Variants in ARHGEF10L observed in about 807,000 individuals in gnomAD.
ARHGEF10L encodes the protein Rho guanine nucleotide exchange factor 10 like, also known as rho guanine nucleotide exchange factor 10-like protein.
ARHGEF10L carries 69 observed loss-of-function variants against 141.2 expected under a neutral mutation model. The observed-to-expected ratio is 0.49, with a 90% CI of 0.40 to 0.60. ARHGEF10L has a LOEUF of 0.60. Among genes scored for constraint, ARHGEF10L ranks in the 20% least tolerant of loss-of-function variants. The pLI, the probability that ARHGEF10L is intolerant of heterozygous loss-of-function variation, is 0.00. For missense variants in ARHGEF10L, 1,482 were observed against 1,734.3 expected, an observed-to-expected ratio of 0.85 and a Z score of 2.58; for synonymous variants, 711 against 718.5, an observed-to-expected ratio of 0.99 and a Z score of 0.17.
At chr1:17,521,160 C>T in the ARHGEF10L span, among the ~76,000 whole-genome samples, 1 of 152,194 alleles carries the variant, frequency 6.6e-6, no homozygotes, top group Non-Finnish European at 1.5e-5. Flanking sequence ...CACAGCTTGA[C>T]TATCTCCGGG....
At position 17,693,213 on chromosome 1, in the gene ARHGEF10L, C is replaced by T. The variant is rs577182575; in HGVS notation, c.3185-1945C>T. ...AGCTATATTTCCAGTGCTCGGAAGC[C>T]ACATGTGGCTGATGGCTGTCAAATT... On this transcript the variant is annotated intron_variant, in intron 27 of 28. Transcript: ENST00000361221. Among the ~76,000 whole-genome samples, 4 of 152,294 alleles carry T rather than the reference C, an allele frequency of 2.6e-5. No individual in the cohort carries two copies. In the South Asian group the frequency reaches 8.3e-4, roughly 32 times the overall value.
chr1:17,592,495 G>C (rs926412924), intron 4 of ARHGEF10L, among the ~76,000 whole-genome samples: 16 of 152,284 alleles, frequency 1.1e-4, no homozygotes, highest in African/African-American at 3.6e-4. Flanking sequence ...GGAGAGGACA[G>C]GGAGACTCAT....
At chr1:17,602,697 G>A (rs552559061) in intron 5 of ARHGEF10L, among the ~76,000 whole-genome samples, 38 of 152,294 alleles carry the variant, frequency 2.5e-4, no homozygotes, top group African/African-American at 7.7e-4. Context: ...GTGGGGGAGC[G>A]TTATGGGGTG....
chr1:17,616,327 G>A lies in ARHGEF10L; in HGVS notation c.835+125G>A, dbSNP rs1444975143. ...GTACCACTTGGCGTATGGTTCCTCTGGTGGTGGGGGTTGGGGGCTGAGTCC... is the reference window on the plus strand; with the variant it reads ...GTACCACTTGGCGTATGGTTCCTCTAGTGGTGGGGGTTGGGGGCTGAGTCC... On this transcript the variant is annotated intron_variant, in intron 9 of 28. Transcript: ENST00000361221. 2.6e-5 allele frequency: 20 copies of A among 782,240 alleles called. No homozygotes were observed. In the South Asian group the frequency reaches 3.2e-4, roughly 13 times the overall value. 48.5% of individuals were successfully genotyped at this position (782,240 alleles called of 1,614,324 possible).
At position 17,605,993 on chromosome 1, in the gene ARHGEF10L, C is replaced by T. The variant is rs528125184; in HGVS notation, c.434-1809C>T. Among the ~76,000 whole-genome samples, 27 of 152,296 alleles carry T rather than the reference C, an allele frequency of 1.8e-4. No individual in the cohort carries two copies. The South Asian group carries it at 4.8e-3, about 27-fold the overall frequency. ...TAAGCTTTGGCACATCTGTTTTGTT[C>T]TTTGGCTGACACTCTTGCCCCCAAC... On this transcript the variant is annotated intron_variant, in intron 6 of 28. Coordinates refer to ENST00000361221, the MANE Select transcript of ARHGEF10L (RefSeq NM_018125.4).
chr1:17,654,708 C>T lies in ARHGEF10L; in HGVS notation c.2467C>T (p.Gln823Ter), dbSNP rs1422552240. Residue 823 changes from glutamine to a stop codon, truncating the protein, a stop_gained, in exon 23 of 29, where the codon CAG becomes TAG. Coordinates refer to ENST00000361221, the MANE Select transcript of ARHGEF10L (RefSeq NM_018125.4). LOFTEE classifies it high-confidence loss of function. This position sits in a 1 kb window ranked among gnomAD's most constrained non-coding sequence, Gnocchi z 4.3. ...CTCAGCAGTCAGCACCTCCCTTCCA[C>T]AGGGCTACCTCTGGGTGAGTCACCC... ...GFSAVSTSLPQGYLWVGGGQE... is the reference protein window; with the variant it reads ...GFSAVSTSLP The T allele has an allele frequency of 6.2e-7, 1 of 1,614,100 alleles. No homozygotes were observed. The highest frequency in any genetic ancestry group is 8.5e-7 in the Non-Finnish European group (1 of 1,179,978).
intron 4 of ARHGEF10L, among the ~76,000 whole-genome samples, chr1:17,592,808 G>A (rs985033320): frequency 5.9e-5 from 9 of 152,212 alleles, no homozygotes; most frequent in African/African-American, 1.9e-4. Context: ...AGCCTCCTGC[G>A]TCCTGTCCCG....
intron 27 of ARHGEF10L, chr1:17,694,835 G>A (rs893319598): frequency 7.8e-5 from 38 of 486,754 alleles, no homozygotes; most frequent in Middle Eastern, 6.2e-4. Context: ...CCTTTGTGCC[G>A]GATGACCTGG....
intron 7 of ARHGEF10L, among the ~76,000 whole-genome samples, chr1:17,610,374 C>G (rs2059485798): frequency 6.6e-6 from 1 of 152,228 alleles, no homozygotes; most frequent in East Asian, 1.9e-4. Flanking sequence ...GTCCCTCACA[C>G]TCTCAGGCTG....
intron 1 of ARHGEF10L, among the ~76,000 whole-genome samples, chr1:17,550,578 G>GGTTGCAGTGAGCTGAGACTGTGCC (rs1553169823): frequency 2.6e-5 from 4 of 152,072 alleles, no homozygotes; most frequent in African/African-American, 9.6e-5. Flanking sequence ...GGAGGGTGGA[G>GGTTGCAGTGAGCTGAGACTGTGCC]GTTGCAGTGA....
chr1:17,583,124 G>A (rs889562786), intron 2 of ARHGEF10L, among the ~76,000 whole-genome samples: 1 of 149,496 alleles, frequency 6.7e-6, no homozygotes, highest in Non-Finnish European at 1.5e-5. Context: ...AGGATCACTT[G>A]AGCCCAGGAG....
At position 17,639,671 on chromosome 1, in the gene ARHGEF10L, C is replaced by T. The variant is rs2061221932; in HGVS notation, c.2172-531C>T. 4.7e-6 allele frequency: 2 copies of T among 428,384 alleles called. No homozygotes were observed. Among genetic ancestry groups the T allele is most frequent in the East Asian group, 7.0e-5 (1 of 14,196 alleles). 26.5% of individuals were successfully genotyped at this position (428,384 alleles called of 1,614,324 possible). The stretch of plus-strand genomic sequence containing the variant: ...CCACTGCTCTGAGGTGAGAGGACAG[C>T]GTGGTGACAACAGCAACCTCTGGTT... On this transcript the variant is annotated intron_variant, in intron 20 of 28. Coordinates refer to ENST00000361221, the MANE Select transcript of ARHGEF10L (RefSeq NM_018125.4). The surrounding 1 kb of genome is among the most constrained non-coding windows in gnomAD (Gnocchi z 4.3).
intron 2 of ARHGEF10L, among the ~76,000 whole-genome samples, chr1:17,583,202 T>TAAAAAAA: frequency 8.9e-6 from 1 of 111,784 alleles, no homozygotes; most frequent in Non-Finnish European, 1.8e-5. Context: ...GAGCTTCATT[T>TAAAAAAA]AAAAAAAAAA....
intron 1 of ARHGEF10L, among the ~76,000 whole-genome samples, chr1:17,552,572 T>G (rs1032418768): frequency 6.3e-5 from 1 of 15,912 alleles, no homozygotes; most frequent in Non-Finnish European, 1.4e-4. Context: ...CTAATTTTCG[T>G]TTTTTTTTTT....
Position 17,598,730 on chromosome 1 carries a change from C to T in ARHGEF10L, c.258-3397C>T, listed in dbSNP as rs1216444825. Among the ~76,000 whole-genome samples the T allele has an allele frequency of 2.0e-5, 3 of 151,134 alleles. No homozygotes were observed. The East Asian group carries it at 5.8e-4, about 29-fold the overall frequency. ...ATACCATAGCAGATGGAGACTTGAA[C>T]TTGAGCCTCTGAGTGTGCCGAGGGC... On this transcript the variant is annotated intron_variant, in intron 4 of 28. Coordinates refer to ENST00000361221, the MANE Select transcript of ARHGEF10L (RefSeq NM_018125.4).
At position 17,656,585 on chromosome 1, in the gene ARHGEF10L, A is replaced by AC; in HGVS notation, c.2740dup (p.Gln914ProfsTer129). 1 of 1,613,072 alleles carries AC rather than the reference A, an allele frequency of 6.2e-7. No individual in the cohort carries two copies. The highest frequency in any genetic ancestry group is 1.1e-5 in the South Asian group (1 of 90,938). On this transcript the variant is annotated frameshift_variant, in exon 25 of 29. Transcript: ENST00000361221. LOFTEE classifies it high-confidence loss of function. This position sits in a 1 kb window ranked among gnomAD's most constrained non-coding sequence, Gnocchi z 4.9. ...CCTCTACAGCAGTGTGGACACTGGCACCCAGTGCCTGGTGAGCTGCAGGAG... is the reference window on the plus strand; with the variant it reads ...CCTCTACAGCAGTGTGGACACTGGCACCCCAGTGCCTGGTGAGCTGCAGGAG...
Position 17,656,111 on chromosome 1 carries a change from C to T in ARHGEF10L, c.2705+9C>T, listed in dbSNP as rs555927220. On this transcript the variant is annotated intron_variant, in intron 24 of 28. Transcript: ENST00000361221. The surrounding 1 kb of genome is among the most constrained non-coding windows in gnomAD (Gnocchi z 4.9). The stretch of plus-strand genomic sequence containing the variant: ...GGGCTCCAGGATGGCAGGTGAGGGG[C>T]CCGGAAGGAGGGGTGAGAGCAGCCT... 53 of 1,549,794 alleles carry T rather than the reference C, an allele frequency of 3.4e-5. 1 individual carries two copies. In the South Asian group the frequency reaches 6.1e-4, roughly 18 times the overall value.
intron 27 of ARHGEF10L, among the ~76,000 whole-genome samples, chr1:17,688,429 C>T (rs2064798276): frequency 6.6e-6 from 1 of 152,228 alleles, no homozygotes; most frequent in Non-Finnish European, 1.5e-5. Context: ...CCCATCCTCA[C>T]CCCAGCTGGC....
the ARHGEF10L span, among the ~76,000 whole-genome samples, chr1:17,521,357 C>T: frequency 2.5e-3 from 385 of 152,234 alleles, 1 homozygote; most frequent in African/African-American, 7.2e-3. Context: ...CCACCACGCC[C>T]GGCTAATTTT....
Sources: gnomAD v4.1 joint callset for allele counts (sites outside exome capture counted in the v4.1 genomes callset) on GRCh38, gnomAD v4.1.1 for gene constraint, Gnocchi (gnomAD v3.1) non-coding constraint, MANE v1.5 for transcripts, NCBI Gene and HGNC (gene_info 2026-07-23, HGNC 2026-07-21) for gene names.